GPR139: variants seen among roughly 807,000 people sequenced by gnomAD.
The protein encoded by GPR139 is G protein-coupled receptor 139.
A neutral mutation model predicts 25.8 loss-of-function variants in GPR139; 12 were observed. The ratio of observed to expected loss-of-function variants is 0.47; its 90% CI spans 0.30 to 0.75. The LOEUF (loss-of-function observed/expected upper bound fraction) is 0.75. GPR139 is among the 30% of genes least tolerant of loss of function. GPR139 has a pLI of 0.07. For missense variants in GPR139, 380 were observed against 450.2 expected (o/e 0.84, Z 1.41); for synonymous variants, 184 against 179.9 (o/e 1.02, Z -0.18).
chr16:20,062,842 T>C (rs971586053), intron 1 of GPR139, among the ~76,000 whole-genome samples: 1 of 152,228 alleles, frequency 6.6e-6, no homozygotes, highest in African/African-American at 2.4e-5. Flanking sequence ...ATGTAAACTA[T>C]TGATGAGATA....
intron 1 of GPR139, among the ~76,000 whole-genome samples, chr16:20,051,072 A>AAAAAAAGAAAG (rs542691880): frequency 4.8e-5 from 7 of 145,552 alleles, no homozygotes; most frequent in South Asian, 2.2e-4. Flanking sequence ...CAAAAAAAAA[A>AAAAAAAGAAAG]AAAGAAAGAA....
rs555868830 is a variant in GPR139, at chr16:20,045,107, C to T, written c.128-12438G>A. ...CTCTGCCTCCCAGGGTCAAGCAATT[C>T]TCCTGCCTCAGCCTCCCGAGATGCT... On this transcript the variant is annotated intron_variant, in intron 1 of 1. Transcript: ENST00000570682. Among the ~76,000 whole-genome samples the T allele has an allele frequency of 5.3e-5, 8 of 150,324 alleles. No individual in the cohort carries two copies. The Admixed American group carries it at 5.3e-4, about 10-fold the overall frequency.
At chr16:20,040,624 C>G (rs923979999) in intron 1 of GPR139, among the ~76,000 whole-genome samples, 1 of 152,048 alleles carries the variant, frequency 6.6e-6, no homozygotes, top group Non-Finnish European at 1.5e-5. Context: ...AAGTAGAAAT[C>G]CTGGTTTAAA....
chr16:20,057,349 T>G (rs1316093957), intron 1 of GPR139, among the ~76,000 whole-genome samples: 1 of 152,138 alleles, frequency 6.6e-6, no homozygotes, highest in Non-Finnish European at 1.5e-5. Context: ...GAGCAACATT[T>G]TGGTCTAGTG....
intron 1 of GPR139, among the ~76,000 whole-genome samples, chr16:20,044,081 C>G (rs1223883753): frequency 2.6e-5 from 4 of 152,146 alleles, no homozygotes; most frequent in Non-Finnish European, 5.9e-5. Context: ...GAATTGTGCA[C>G]ACAGACCTCT....
rs867778763 is a variant in GPR139 at position 20,039,802 on chromosome 16, A to G, written c.128-7133T>C. Among the ~76,000 whole-genome samples, 9 of 152,330 alleles carry G rather than the reference A, an allele frequency of 5.9e-5. No homozygotes were observed. The South Asian group carries it at 1.7e-3, about 28-fold the overall frequency. ...TCTGTCAAAACCCCGTCTTCCATGG[A>G]TAATGTGTCAGCTAGCCTTATAGGT... On this transcript the variant is annotated intron_variant, in intron 1 of 1. Transcript: ENST00000570682.
intron 1 of GPR139, among the ~76,000 whole-genome samples, chr16:20,046,409 G>A (rs1390678554): frequency 6.6e-6 from 1 of 152,196 alleles, no homozygotes; most frequent in African/African-American, 2.4e-5. Context: ...AACTAGCTCT[G>A]TGGCTTGGGT....
In GPR139 at chr16:20,032,008, T is replaced by C. The variant is rs2147865; in HGVS notation, c.789A>G (p.Val263=). 554,587 of 1,613,838 alleles carry C rather than the reference T, an allele frequency of 0.34. 103,031 individuals carry two copies. The highest frequency in any genetic ancestry group is 0.76 in the East Asian group (34,327 of 44,872). Residue 263 remains valine (V), a synonymous_variant, in exon 2 of 2, where the codon GTA becomes GTG. Coordinates refer to ENST00000570682, the MANE Select transcript of GPR139 (RefSeq NM_001002911.4). ...TGTTGGCAATGTCGGACATGATGTG[T>C]ACCAGCCAGCGGTTCTGGATGGGCG... ...YGAPIQNRWL[V]HIMSDIANML...
rs2057295161 is a variant in GPR139 at position 20,032,644 on chromosome 16, G to A, written c.153C>T (p.Leu51=). 6.2e-7 allele frequency: 1 copy of A among 1,609,048 alleles called. No individual in the cohort carries two copies. Among genetic ancestry groups the A allele is most frequent in the African/African-American group, 1.3e-5 (1 of 74,872 alleles). Residue 51 remains leucine, a synonymous_variant, in exon 2 of 2, where the codon CTC becomes CTT. Transcript: ENST00000570682. ...TCTGTCTTCTTGCCACCAGCTGGGA[G>A]AGGATGATCACTGTCAAGATATTTG... The part of the protein sequence containing the change: ...LPANILTVII[L]SQLVARRQKS...
At position 20,031,583 on chromosome 16, in the gene GPR139, C is replaced by G. The variant is rs1873682696; in HGVS notation, c.*152G>C. 1.5e-6 allele frequency: 1 copy of G among 645,420 alleles called. No individual in the cohort carries two copies. The highest frequency in any genetic ancestry group is 2.8e-5 in the Admixed American group (1 of 35,832). 40.0% of individuals were successfully genotyped at this position (645,420 alleles called of 1,614,324 possible). On this transcript the variant is annotated 3_prime_UTR_variant, in exon 2 of 2. Coordinates refer to ENST00000570682, the MANE Select transcript of GPR139 (RefSeq NM_001002911.4). ...CATGCTCTCCTTTCTTCTCTTCCAT[C>G]TCTTCTCATCTACCAGTCTGAGAAT...
At chr16:20,053,768 T>C (rs528612775) in intron 1 of GPR139, among the ~76,000 whole-genome samples, 1 of 152,170 alleles carries the variant, frequency 6.6e-6, no homozygotes, top group Non-Finnish European at 1.5e-5. Context: ...TAATTTCTCT[T>C]GAATCCGCAT....
Position 20,032,224 on chromosome 16 carries a change from G to A in GPR139, c.573C>T (p.Val191=), listed in dbSNP as rs1308495747. The change falls in exon 2 of 2, where the codon GTC becomes GTT. Residue 191 remains valine (V), a synonymous_variant. Coordinates refer to ENST00000570682, the MANE Select transcript of GPR139 (RefSeq NM_001002911.4). ...HVLIWIHCFT[V]YLVPCSIFFI... ...AGAAGATGGAGCAGGGCACCAGGTA[G>A]ACGGTGAAGCAGTGGATCCAGATGA... The A allele has an allele frequency of 6.2e-7, 1 of 1,614,202 alleles. No individual in the cohort carries two copies. The highest frequency in any genetic ancestry group is 2.2e-5 in the East Asian group (1 of 44,876).
At chr16:20,052,788 C>CAAAAAAA (rs56189908) in intron 1 of GPR139, among the ~76,000 whole-genome samples, 5 of 121,998 alleles carry the variant, frequency 4.1e-5, no homozygotes, top group African/African-American at 1.1e-4. Flanking sequence ...GACTCCATCT[C>CAAAAAAA]AAAAAAAAAA....
At chr16:20,070,257 G>A (rs948987742) in intron 1 of GPR139, among the ~76,000 whole-genome samples, 11 of 152,192 alleles carry the variant, frequency 7.2e-5, no homozygotes, top group Admixed American at 5.9e-4. Context: ...CAGGGATTAA[G>A]TGTAATAATA....
intron 1 of GPR139, among the ~76,000 whole-genome samples, chr16:20,059,939 G>A (rs923335329): frequency 2.0e-5 from 3 of 152,128 alleles, no homozygotes; most frequent in Admixed American, 6.5e-5. Context: ...TGGAAGGGTC[G>A]TGGGTGCAGA....
At chr16:20,043,494 T>C (rs1555465975) in intron 1 of GPR139, among the ~76,000 whole-genome samples, 1 of 152,214 alleles carries the variant, frequency 6.6e-6, no homozygotes, top group Non-Finnish European at 1.5e-5. Flanking sequence ...TTAGTTTTAA[T>C]GGTATTAGAG....
Position 20,031,675 on chromosome 16 carries a change from G to GA in GPR139, c.*59_*60insT. The GA allele has an allele frequency of 1.5e-6, 2 of 1,346,060 alleles. No individual in the cohort carries two copies. Among genetic ancestry groups the GA allele is most frequent in the South Asian group, 2.5e-5 (2 of 78,978 alleles). 83.4% of individuals were successfully genotyped at this position (1,346,060 alleles called of 1,614,324 possible). A position where few individuals can be genotyped will look rare whatever the true frequency, so the allele number is the denominator to read the frequency against. On this transcript the variant is annotated 3_prime_UTR_variant, in exon 2 of 2. Transcript: ENST00000570682. ...AAGGAGAGCTGCTCAGCCATAGGAT[G>GA]GGACACCTTCCCATCTGGAAATGGA...
chr16:20,032,340 AAACACTT>A lies in GPR139; in HGVS notation c.450_456del (p.Ser151ThrfsTer6), dbSNP rs1264439731. The A allele has an allele frequency of 6.2e-7, 1 of 1,614,212 alleles. No individual in the cohort carries two copies. The highest frequency in any genetic ancestry group is 1.7e-5 in the Admixed American group (1 of 60,034). On this transcript the variant is annotated frameshift_variant, in exon 2 of 2. Transcript: ENST00000570682. LOFTEE classifies it high-confidence loss of function. Reference sequence around the variant, plus strand: ...ATGCTGGTCAGGAAGCAGGTGATGTAAACACTTACAATGACTTTCCGGGTGCGGGCTG... The same window carrying A: ...ATGCTGGTCAGGAAGCAGGTGATGTAACAATGACTTTCCGGGTGCGGGCTG...
intron 1 of GPR139, among the ~76,000 whole-genome samples, chr16:20,036,511 A>G (rs2057310586): frequency 6.6e-6 from 1 of 152,200 alleles, no homozygotes. Flanking sequence ...AGGCGTCACA[A>G]TCATGGCAAA....
Sources: allele counts gnomAD v4.1 joint callset (sites outside exome capture counted in the v4.1 genomes callset), GRCh38; gene constraint gnomAD v4.1.1; transcripts MANE v1.5; gene names NCBI Gene and HGNC (gene_info 2026-07-23, HGNC 2026-07-21).